Variants in IAH1 observed in about 807,000 individuals in gnomAD.
The protein encoded by IAH1 is isoamyl acetate hydrolyzing esterase 1 (putative).
A neutral mutation model predicts 26.7 loss-of-function variants in IAH1; 24 were observed. The ratio of observed to expected loss-of-function variants is 0.90; its 90% CI spans 0.65 to 1.26. The LOEUF (loss-of-function observed/expected upper bound fraction) is 1.26. IAH1 is among the 50% of genes most tolerant of loss of function. The pLI is 0.00. For synonymous variants in IAH1, 140 were observed against 118.5 expected (o/e 1.18, Z -1.18); for missense variants, 300 against 299.9 (o/e 1.00, Z 0.00).
rs1368369006 is a variant in IAH1, at chr2:9,488,210, T to A, written c.628T>A (p.Ser210Thr). 5.0e-6 allele frequency: 8 copies of A among 1,613,542 alleles called. No homozygotes were observed. The Middle Eastern group carries it at 1.2e-3, about 232-fold the overall frequency. ...TCCAAAGGGGAATGAATTTTTGTTC[T>A]CGCATCTCTGGCCTTTGATAGAGAA... ...LSPKGNEFLF[S>T]HLWPLIEKKV... Residue 210 changes from serine to threonine, a missense_variant, in exon 6 of 6, where the codon TCG becomes ACG. Ser to Thr is a moderately conservative substitution (Grantham distance 58, BLOSUM62 1). Coordinates refer to ENST00000497473, the MANE Select transcript of IAH1 (RefSeq NM_001039613.3).
chr2:9,499,092 T>C (rs1244631209), downstream of IAH1, among the ~76,000 whole-genome samples: 1 of 141,272 alleles, frequency 7.1e-6, no homozygotes, highest in African/African-American at 2.7e-5. Context: ...GAAATGCTAA[T>C]TGCTTTTTTT....
Position 9,480,090 on chromosome 2 carries a change from TGA to T in IAH1, c.284-1194_284-1193del, listed in dbSNP as rs368520507. 9.8e-4 allele frequency among the ~76,000 whole-genome samples: 149 copies of T among 152,212 alleles called. 2 individuals are homozygous for T. In the South Asian group the frequency reaches 0.03, roughly 30 times the overall value. Reference sequence around the variant, plus strand: ...TCCCAAAGTGCTAGGATTTCAGGCATGAGCAACCGCACCTGGCCGTGTATTGC... The same window carrying T: ...TCCCAAAGTGCTAGGATTTCAGGCATGCAACCGCACCTGGCCGTGTATTGC... On this transcript the variant is annotated intron_variant, in intron 3 of 5. Coordinates refer to ENST00000497473, the MANE Select transcript of IAH1 (RefSeq NM_001039613.3).
the IAH1 span, among the ~76,000 whole-genome samples, chr2:9,508,353 C>T: frequency 6.6e-6 from 1 of 152,178 alleles, no homozygotes; most frequent in Non-Finnish European, 1.5e-5. Flanking sequence ...GACTTCACAG[C>T]TCCTCTACAT....
downstream of IAH1, chr2:9,493,938 T>C (rs771399994): frequency 6.7e-5 from 55 of 824,334 alleles, no homozygotes; most frequent in Middle Eastern, 7.9e-3. Context: ...ATCAAACGTT[T>C]TCCCATCTTT....
At chr2:9,506,959 G>A in the IAH1 span, 1 of 152,040 alleles carries the variant, frequency 6.6e-6, no homozygotes, top group Non-Finnish European at 1.5e-5. Context: ...TTGCATCCTT[G>A]TCATAAGACT....
downstream of IAH1, chr2:9,490,091 T>A: frequency 7.7e-7 from 1 of 1,291,972 alleles, no homozygotes; most frequent in East Asian, 2.4e-5. Flanking sequence ...CTTCCCAGTC[T>A]TCACAAAATA....
downstream of IAH1, among the ~76,000 whole-genome samples, chr2:9,492,109 G>C (rs559589801): frequency 7.2e-5 from 11 of 152,338 alleles, no homozygotes; most frequent in Middle Eastern, 3.4e-3. Flanking sequence ...GGAAAGGAAG[G>C]AGGCAGTAGG....
In IAH1 at chr2:9,476,018, C is replaced by T. The variant is rs147385605; in HGVS notation, c.113C>T (p.Ser38Leu). Residue 38 changes from serine (S) to leucine (L), a missense_variant, in exon 2 of 6, where the codon TCG becomes TTG. Physicochemically the swap from Ser to Leu is moderately radical, Grantham distance 145 (BLOSUM62 -2). Coordinates refer to ENST00000497473, the MANE Select transcript of IAH1 (RefSeq NM_001039613.3). ...FSFQQGGWGA[S>L]LADRLVRKCD... ...TTCCAGCAGGGTGGATGGGGAGCAT[C>T]GCTGGCTGACAGGCTGGTCAGGTGA... 1 of 1,613,752 alleles carries T rather than the reference C, an allele frequency of 6.2e-7. No homozygotes were observed. The highest frequency in any genetic ancestry group is 8.5e-7 in the Non-Finnish European group (1 of 1,179,908).
exon 6 of IAH1, chr2:9,494,850 C>A: frequency 6.5e-7 from 1 of 1,530,612 alleles, no homozygotes; most frequent in Non-Finnish European, 8.9e-7. Context: ...CCTGACCATG[C>A]TCCCAAAGAG....
chr2:9,486,512 C>T (rs933409039), intron 5 of IAH1: 1 of 152,102 alleles, frequency 6.6e-6, no homozygotes, highest in Non-Finnish European at 1.5e-5. Flanking sequence ...TATATGATAG[C>T]ATCTAAATTT....
intron 1 of IAH1, chr2:9,475,324 TTA>T (rs1256574687): frequency 8.8e-6 from 6 of 680,736 alleles, no homozygotes; most frequent in Non-Finnish European, 1.4e-5. Flanking sequence ...ACTGGTAACA[TTA>T]TGTTTAGGCA....
rs765667385 is a variant in IAH1, at chr2:9,474,624, C to G, written c.58C>G (p.Leu20Val). 1 of 1,553,236 alleles carries G rather than the reference C, an allele frequency of 6.4e-7. No individual in the cohort carries two copies. Among genetic ancestry groups the G allele is most frequent in the Non-Finnish European group, 8.7e-7 (1 of 1,152,976 alleles). Reference sequence around the variant, plus strand: ...TGCCCTGCTCTGGCCTCGCTTGTTGCTCTTCGGGGACTCCATCACCCAGGT... The same window carrying G: ...TGCCCTGCTCTGGCCTCGCTTGTTGGTCTTCGGGGACTCCATCACCCAGGT... ...GSALLWPRLL[L>V]FGDSITQFSF... The change falls in exon 1 of 6, where the codon CTC becomes GTC. Residue 20 changes from leucine (L) to valine (V), a missense_variant. Coordinates refer to ENST00000497473, the MANE Select transcript of IAH1 (RefSeq NM_001039613.3). This position sits in a 1 kb window ranked among gnomAD's most constrained non-coding sequence, Gnocchi z 4.3.
downstream of IAH1, among the ~76,000 whole-genome samples, chr2:9,499,429 T>C (rs1331374249): frequency 6.6e-6 from 1 of 151,724 alleles, no homozygotes; most frequent in African/African-American, 2.4e-5. Context: ...TGAGATGGAG[T>C]CTTGCTCTGT....
the IAH1 span, among the ~76,000 whole-genome samples, chr2:9,507,677 A>G: frequency 6.6e-6 from 1 of 152,138 alleles, no homozygotes; most frequent in African/African-American, 2.4e-5. Context: ...TCCAGAAAAA[A>G]AAAGTTCTTC....
chr2:9,475,175 G>A (rs977773873), intron 1 of IAH1: 2 of 1,288,754 alleles, frequency 1.6e-6, no homozygotes, highest in Middle Eastern at 2.1e-4. Flanking sequence ...GTTCATCCAA[G>A]ATCATCTCAC....
chr2:9,505,057 A>G, the IAH1 span: 22 of 1,228,832 alleles, frequency 1.8e-5, no homozygotes, highest in Non-Finnish European at 2.5e-5. Context: ...AAACAAACAC[A>G]CTCACACCCC....
At position 9,474,992 on chromosome 2, in the gene IAH1, C is replaced by G. The variant is rs1488220734; in HGVS notation, c.81+345C>G. The G allele has an allele frequency of 9.1e-7, 1 of 1,097,106 alleles. No individual in the cohort carries two copies. The highest frequency in any genetic ancestry group is 4.6e-5 in the Admixed American group (1 of 21,824). The allele number at this position is 1,097,106 out of a possible 1,614,324, so 68.0% of individuals were successfully genotyped here. On this transcript the variant is annotated intron_variant, in intron 1 of 5. Transcript: ENST00000497473. The surrounding 1 kb of genome is among the most constrained non-coding windows in gnomAD (Gnocchi z 4.3). ...GGCAGCGGCCTTTCCCCTCCGGGTC[C>G]GGGTTAGCGGCCGCGGGCGACCGCG...
Position 9,489,101 on chromosome 2 carries a change from G to A in IAH1, c.*772G>A, listed in dbSNP as rs1661846344. 1 of 151,930 alleles carries A rather than the reference G, an allele frequency of 6.6e-6. No individual in the cohort carries two copies. Among genetic ancestry groups the A allele is most frequent in the South Asian group, 2.1e-4 (1 of 4,810 alleles). The allele number at this position is 151,930 out of a possible 1,614,324, so 9.4% of individuals were successfully genotyped here. A position where few individuals can be genotyped will look rare whatever the true frequency, so the allele number is the denominator to read the frequency against. ...TGTGGGGACAGCCCCCAACCCTAAG[G>A]GCAGGTAGTATTCTATCTCCTGGCT... On this transcript the variant is annotated 3_prime_UTR_variant, in exon 6 of 6. Coordinates refer to ENST00000497473, the MANE Select transcript of IAH1 (RefSeq NM_001039613.3).
intron 5 of IAH1, among the ~76,000 whole-genome samples, chr2:9,487,850 G>T (rs1039627550): frequency 6.8e-6 from 1 of 146,124 alleles, no homozygotes; most frequent in Non-Finnish European, 1.5e-5. Flanking sequence ...GCGCGCGCGC[G>T]CTGTGGGGGG....
Sources: allele counts gnomAD v4.1 joint callset (sites outside exome capture counted in the v4.1 genomes callset), GRCh38; gene constraint gnomAD v4.1.1; non-coding constraint Gnocchi (gnomAD v3.1); transcripts MANE v1.5; gene names NCBI Gene and HGNC (gene_info 2026-07-23, HGNC 2026-07-21).